Variants in ATG2B observed in about 807,000 individuals in gnomAD.
ATG2B encodes the protein autophagy related 2B, also known as autophagy-related protein 2 homolog B.
A neutral mutation model predicts 241.3 loss-of-function variants in ATG2B; 121 were observed. The ratio of observed to expected loss-of-function variants is 0.50; its 90% CI spans 0.43 to 0.58. ATG2B has a LOEUF of 0.58. ATG2B is among the 20% of genes least tolerant of loss of function. The probability of loss-of-function intolerance (pLI) is 0.00; values close to 1 mark genes in which losing one functional copy is unlikely to be tolerated. For missense variants in ATG2B, 2,306 were observed against 2,491.6 expected (o/e 0.93, Z 1.59); for synonymous variants, 858 against 876.6 (o/e 0.98, Z 0.37).
intron 1 of ATG2B, among the ~76,000 whole-genome samples, chr14:96,350,872 A>C (rs1888299624): frequency 6.6e-6 from 1 of 152,216 alleles, no homozygotes; most frequent in Non-Finnish European, 1.5e-5. Context: ...AGAAGACTAC[A>C]GACAGTGGTG....
At position 96,312,014 on chromosome 14, in the gene ATG2B, T is replaced by A. The variant is rs1048677482; in HGVS notation, c.3913+75A>T. ...TTAGTTCACTAGCATTATCCCAGAG[T>A]TAAAATGCTTTAAAATTATTTACGC... is the stretch of plus-strand genomic sequence containing the variant. On this transcript the variant is annotated intron_variant, in intron 26 of 41. Transcript: ENST00000359933. 14 of 1,105,854 alleles carry A rather than the reference T, an allele frequency of 1.3e-5. No individual in the cohort carries two copies. In the African/African-American group the frequency reaches 2.2e-4, roughly 17 times the overall value. 68.5% of individuals were successfully genotyped at this position (1,105,854 alleles called of 1,614,324 possible). A position where few individuals can be genotyped will look rare whatever the true frequency, so the allele number is the denominator to read the frequency against.
At chr14:96,291,968 A>T (rs1056178690) in intron 37 of ATG2B, 61 bp downstream of exon 37, 2 of 1,167,566 alleles carry the variant, frequency 1.7e-6, no homozygotes, top group Non-Finnish European at 2.5e-6. Context: ...TAAAAATAAA[A>T]ACGAGCTCAT....
At chr14:96,341,384 T>C in intron 6 of ATG2B, 138 bp downstream of exon 6, 2 of 580,122 alleles carry the variant, frequency 3.4e-6, no homozygotes, top group Non-Finnish European at 2.7e-6. Context: ...CAACTGAGAG[T>C]AAAAATGCTA....
At chr14:96,355,650 T>C (rs1407356456) in intron 1 of ATG2B, among the ~76,000 whole-genome samples, 1 of 152,180 alleles carries the variant, frequency 6.6e-6, no homozygotes, top group Non-Finnish European at 1.5e-5. Context: ...GCAAACACTT[T>C]TTAAATGCGG....
At chr14:96,301,897 T>G in intron 34 of ATG2B, 110 bp downstream of exon 34, 1 of 807,862 alleles carries the variant, frequency 1.2e-6, no homozygotes, top group Admixed American at 2.7e-5. Context: ...GTTTGCTTTA[T>G]ATATGTAACC....
At chr14:96,351,681 A>G (rs1049567487) in intron 1 of ATG2B, among the ~76,000 whole-genome samples, 4 of 151,402 alleles carry the variant, frequency 2.6e-5, no homozygotes, top group Non-Finnish European at 4.4e-5. Flanking sequence ...AGTTACCGTG[A>G]GCCGAAATCG....
chr14:96,332,184 C>T (rs1176851644), intron 10 of ATG2B, 121 bp downstream of exon 10: 8 of 715,250 alleles, frequency 1.1e-5, no homozygotes, highest in African/African-American at 1.8e-5. Flanking sequence ...GTTCATTTTG[C>T]TTTCTGAACT....
intron 23 of ATG2B, 119 bp from the exon 24 acceptor site, chr14:96,313,554 CAT>C (rs1221246901): frequency 7.7e-6 from 4 of 518,986 alleles, no homozygotes; most frequent in Non-Finnish European, 1.3e-5. Context: ...ATTGGAAAAT[CAT>C]AACGGTAAAA....
In ATG2B at chr14:96,332,409, A is replaced by T. The variant is rs1414548393; in HGVS notation, c.1364T>A (p.Leu455His). 5 of 1,613,538 alleles carry T rather than the reference A, an allele frequency of 3.1e-6. No individual in the cohort carries two copies. The East Asian group carries it at 1.1e-4, about 36-fold the overall frequency. ...AAGGAACTCTCCCCAAGTGGGCTGA[A>T]GCTATAAAAGATTTTTTTTAAGCAC... ...PAGSPLSATV[L>H]QPTWGEFLDH... The change falls in exon 10 of 42, where the codon CTT becomes CAT. Residue 455 changes from leucine (L) to histidine (H), a missense_variant and splice_region_variant. Leu to His is a moderately conservative substitution (Grantham distance 99, BLOSUM62 -3). Transcript: ENST00000359933.
chr14:96,320,458 G>A (rs1042046398), intron 18 of ATG2B, among the ~76,000 whole-genome samples: 1 of 151,418 alleles, frequency 6.6e-6, no homozygotes, highest in Admixed American at 6.6e-5. Flanking sequence ...AAAAACGGTA[G>A]ACAATGCCTT....
intron 36 of ATG2B, among the ~76,000 whole-genome samples, chr14:96,292,606 A>G (rs556659626): frequency 1.0e-3 from 155 of 152,250 alleles, no homozygotes; most frequent in Non-Finnish European, 2.0e-3. Flanking sequence ...CCCCAGGTTC[A>G]TCTATGACAT....
chr14:96,314,824 T>C lies in ATG2B; in HGVS notation c.3642+330A>G, dbSNP rs188365066. On this transcript the variant is annotated intron_variant, in intron 23 of 41. Transcript: ENST00000359933. ...CAAGCGATTCTCCTGCCTCAGCCTC[T>C]CCAGTAGCTGGGATTACAGGTGCAT... 5.3e-3 allele frequency among the ~76,000 whole-genome samples: 807 copies of C among 152,230 alleles called. 26 individuals are homozygous for C. In the South Asian group the frequency reaches 0.067, roughly 13 times the overall value.
At position 96,284,629 on chromosome 14, in the gene ATG2B, T is replaced by C. The variant is rs1269510663; in HGVS notation, c.*1126A>G. ...TACTCCTAGGTAATGATTTACCTGA[T>C]ATTAACCAAAATCGATTTTGAGAAA... is the stretch of plus-strand genomic sequence containing the variant. On this transcript the variant is annotated 3_prime_UTR_variant, in exon 42 of 42. Coordinates refer to ENST00000359933, the MANE Select transcript of ATG2B (RefSeq NM_018036.7). 1 of 152,266 alleles carries C rather than the reference T, an allele frequency of 6.6e-6. No homozygotes were observed. Among genetic ancestry groups the C allele is most frequent in the Non-Finnish European group, 1.5e-5 (1 of 68,048 alleles). 9.4% of individuals were successfully genotyped at this position (152,266 alleles called of 1,614,324 possible).
In ATG2B at chr14:96,285,579, T is replaced by C; in HGVS notation, c.*176A>G. The C allele has an allele frequency of 3.2e-6, 2 of 626,784 alleles. No individual in the cohort carries two copies. The highest frequency in any genetic ancestry group is 2.0e-5 in the South Asian group (1 of 48,936). The allele number at this position is 626,784 out of a possible 1,614,324, so 38.8% of individuals were successfully genotyped here. ...CATTTCTATAGGCAAGTATCAACTA[T>C]AAATGTCAGAAGTTTTTGGTTGCAT... On this transcript the variant is annotated 3_prime_UTR_variant, in exon 42 of 42. Coordinates refer to ENST00000359933, the MANE Select transcript of ATG2B (RefSeq NM_018036.7). This position sits in a 1 kb window ranked among gnomAD's most constrained non-coding sequence, Gnocchi z 4.2.
In ATG2B at chr14:96,289,594, T is replaced by C; in HGVS notation, c.6006+62A>G. The C allele has an allele frequency of 1.9e-6, 3 of 1,580,802 alleles. No individual in the cohort carries two copies. Among genetic ancestry groups the C allele is most frequent in the African/African-American group, 1.4e-5 (1 of 73,606 alleles). ...TACATTTAAGCCATTAAATGCTCTT[T>C]AGGTGAAAGTTGGGAAAGCGCACAG... is the stretch of plus-strand genomic sequence containing the variant. On this transcript the variant is annotated intron_variant, in intron 41 of 41. Transcript: ENST00000359933. The surrounding 1 kb of genome is among the most constrained non-coding windows in gnomAD (Gnocchi z 4.3).
chr14:96,287,483 C>A (rs1255771178), intron 41 of ATG2B, among the ~76,000 whole-genome samples: 1 of 152,174 alleles, frequency 6.6e-6, no homozygotes, highest in Non-Finnish European at 1.5e-5. Flanking sequence ...ACCACCACTA[C>A]GTTTGCGGAC....
rs761280807 is a variant in ATG2B at position 96,295,180 on chromosome 14, T to G, written c.5219-13A>C. ...GGAGACTTTTTAACTGAAAATGTAA[T>G]GTGCATGTTTGAAAAATTAGATATG... On this transcript the variant is annotated splice_polypyrimidine_tract_variant and intron_variant, in intron 35 of 41. Transcript: ENST00000359933. The G allele has an allele frequency of 6.3e-7, 1 of 1,599,684 alleles. No homozygotes were observed. The highest frequency in any genetic ancestry group is 1.3e-5 in the African/African-American group (1 of 74,422).
At position 96,325,841 on chromosome 14, in the gene ATG2B, C is replaced by T. The variant is rs1344999130; in HGVS notation, c.2245G>A (p.Ala749Thr). ...GGGAAGCGAACAGAAAGGTTTAATG[C>T]TGGTGTGGCAACTTGTACTGATATC... ...CRISVQVATP[A>T]LNLSVRFPIP... The change falls in exon 15 of 42, where the codon GCA becomes ACA. Residue 749 changes from alanine (A) to threonine (T), a missense_variant. By Grantham distance (58) the Ala-to-Thr change is moderately conservative. This residue lies in a region of ATG2B where 1,927 missense variants were observed against 2,011.2 expected (regional missense o/e 0.96). Coordinates refer to ENST00000359933, the MANE Select transcript of ATG2B (RefSeq NM_018036.7). 1 of 1,614,008 alleles carries T rather than the reference C, an allele frequency of 6.2e-7. No homozygotes were observed. Among genetic ancestry groups the T allele is most frequent in the Non-Finnish European group, 8.5e-7 (1 of 1,179,980 alleles).
rs941900324 is a variant in ATG2B at position 96,283,804 on chromosome 14, G to A, written c.*1951C>T. On this transcript the variant is annotated 3_prime_UTR_variant, in exon 42 of 42. Transcript: ENST00000359933. ...GGCTGAACTGACAACGAATCTTTTTGAGACACAACGTTTCTGTTCCCAAAA... is the reference window on the plus strand; with the variant it reads ...GGCTGAACTGACAACGAATCTTTTTAAGACACAACGTTTCTGTTCCCAAAA... 6.6e-6 allele frequency: 1 copy of A among 152,160 alleles called. No individual in the cohort carries two copies. The highest frequency in any genetic ancestry group is 1.5e-5 in the Non-Finnish European group (1 of 68,022). 9.4% of individuals were successfully genotyped at this position (152,160 alleles called of 1,614,324 possible).
Sources: gnomAD v4.1 joint callset for allele counts (sites outside exome capture counted in the v4.1 genomes callset) on GRCh38, gnomAD v4.1.1 for gene constraint, gnomAD v4.1.1 regional missense constraint, Gnocchi (gnomAD v3.1) non-coding constraint, MANE v1.5 for transcripts, NCBI Gene and HGNC (gene_info 2026-07-23, HGNC 2026-07-21) for gene names.